Variants in LPP observed in about 807,000 individuals in gnomAD.
LPP encodes the protein lipoma-preferred partner.
A neutral mutation model predicts 60.4 loss-of-function variants in LPP; 38 were observed. The observed-to-expected ratio is 0.63, with a 90% confidence interval of 0.49 to 0.83. LPP has a LOEUF of 0.83. LPP is among the 40% of genes least tolerant of loss of function. The pLI is 0.00. For missense variants in LPP, 902 were observed against 783.6 expected, an observed-to-expected ratio of 1.15 and a Z score of -1.80; for synonymous variants, 328 against 290.8, an observed-to-expected ratio of 1.13 and a Z score of -1.30.
chr3:188,723,995 C>T (rs548415546), intron 8 of LPP, among the ~76,000 whole-genome samples: 1 of 152,256 alleles, frequency 6.6e-6, no homozygotes, highest in East Asian at 1.9e-4. Flanking sequence ...CTTTGTGCCA[C>T]TCCACCAAGA....
rs556565412 is a variant in LPP, at chr3:188,835,720, G to A, written c.1411-30480G>A. Among the ~76,000 whole-genome samples, 214 of 152,246 alleles carry A rather than the reference G, an allele frequency of 1.4e-3. 1 individual carries two copies. Among genetic ancestry groups the A allele is most frequent in the African/African-American group, 4.9e-3 (202 of 41,546 alleles). On this transcript the variant is annotated intron_variant, in intron 9 of 11. Coordinates refer to ENST00000617246, the MANE Select transcript of LPP (RefSeq NM_001375462.1). The stretch of plus-strand genomic sequence containing the variant: ...TCAGTAGTGGCAACAAGAAAGGAAC[G>A]CCCCTACGATGTGACAAGTCTCTAC...
At chr3:188,458,028 T>C (rs188524473) in intron 4 of LPP, among the ~76,000 whole-genome samples, 5 of 152,314 alleles carry the variant, frequency 3.3e-5, no homozygotes, top group African/African-American at 4.8e-5. Flanking sequence ...GCAGCAGATA[T>C]TGTATTTTTA....
chr3:188,856,130 G>A lies in LPP; in HGVS notation c.1411-10070G>A, dbSNP rs894684407. On this transcript the variant is annotated intron_variant, in intron 9 of 11. Transcript: ENST00000617246. ...CGGTTAAGTCAAGAAAATGGACCTT[G>A]CCAAGTATAACTGCCGCAAACTAGA... is the stretch of plus-strand genomic sequence containing the variant. Among the ~76,000 whole-genome samples, 4 of 152,272 alleles carry A rather than the reference G, an allele frequency of 2.6e-5. No homozygotes were observed. The East Asian group carries it at 7.7e-4, about 29-fold the overall frequency.
intron 9 of LPP, among the ~76,000 whole-genome samples, chr3:188,767,191 G>A (rs1003356225): frequency 3.9e-5 from 6 of 151,908 alleles, no homozygotes; most frequent in African/African-American, 1.2e-4. Flanking sequence ...AAAATAAAGG[G>A]GCAAAGATGT....
intron 2 of LPP, among the ~76,000 whole-genome samples, chr3:188,273,579 T>C (rs1334479128): frequency 6.9e-6 from 1 of 145,372 alleles, no homozygotes; most frequent in Non-Finnish European, 1.5e-5. Flanking sequence ...TTGACTTGGC[T>C]ATTTTATATC....
intron 1 of LPP, among the ~76,000 whole-genome samples, chr3:188,163,593 G>A (rs969290568): frequency 6.6e-6 from 1 of 152,064 alleles, no homozygotes; most frequent in Non-Finnish European, 1.5e-5. Context: ...CATAAGGCAA[G>A]GACTCAACAA....
Position 188,389,808 on chromosome 3 carries a change from C to CAAA in LPP, c.-9-16295_-9-16293dup, listed in dbSNP as rs56398215. ...AAAAAAAAAAAATGGGACTCCGTCT[C>CAAA]AAAAAAAAAAAGAAAAGAAAAAAAG... On this transcript the variant is annotated intron_variant, in intron 3 of 11. Coordinates refer to ENST00000617246, the MANE Select transcript of LPP (RefSeq NM_001375462.1). Among the ~76,000 whole-genome samples the CAAA allele has an allele frequency of 8.1e-3, 1,072 of 132,050 alleles. 12 individuals carry two copies. The highest frequency in any genetic ancestry group is 0.029 in the African/African-American group (1,012 of 34,684). The allele number at this position is 132,050 out of a possible 152,430, so 86.6% of individuals were successfully genotyped here.
chr3:188,634,343 A>T (rs1250891951), intron 7 of LPP, among the ~76,000 whole-genome samples: 2 of 152,206 alleles, frequency 1.3e-5, no homozygotes, highest in African/African-American at 4.8e-5. Flanking sequence ...GGTAGAGAAG[A>T]CACAATCCCT....
At chr3:188,428,597 T>TATA (rs1553895830) in intron 4 of LPP, among the ~76,000 whole-genome samples, 2,024 of 109,286 alleles carry the variant, frequency 0.019, 19 homozygotes, top group Middle Eastern at 0.074. Context: ...TATATATATA[T>TATA]TTTTTTTTTT....
intron 2 of LPP, among the ~76,000 whole-genome samples, chr3:188,280,933 ATTT>A (rs71298542): frequency 1.3e-4 from 19 of 141,370 alleles, no homozygotes; most frequent in Admixed American, 2.1e-4. Context: ...CGACAAAGGA[ATTT>A]TTTTTTTTTT....
At chr3:188,781,606 C>T (rs55970652) in intron 9 of LPP, among the ~76,000 whole-genome samples, 16 of 151,392 alleles carry the variant, frequency 1.1e-4, no homozygotes, top group Non-Finnish European at 1.3e-4. Context: ...CCCCCTGCCT[C>T]GGTGCGGTCG....
Position 188,314,105 on chromosome 3 carries a change from T to A in LPP, c.-66-27558T>A, listed in dbSNP as rs1269670194. Among the ~76,000 whole-genome samples the A allele has an allele frequency of 5.3e-5, 8 of 152,338 alleles. No homozygotes were observed. The South Asian group carries it at 8.3e-4, about 16-fold the overall frequency. On this transcript the variant is annotated intron_variant, in intron 2 of 11. Transcript: ENST00000617246. The stretch of plus-strand genomic sequence containing the variant: ...TTCCAATTTTTACAACACTTATAGC[T>A]TTCTTCTAACTGTACTAATACCTCT...
intron 6 of LPP, among the ~76,000 whole-genome samples, chr3:188,575,072 C>G (rs1264587977): frequency 2.6e-5 from 4 of 152,042 alleles, no homozygotes; most frequent in Admixed American, 2.0e-4. Flanking sequence ...TAATTTGCGG[C>G]CTGAAAAGCT....
At chr3:188,732,017 G>C (rs912050179) in intron 8 of LPP, among the ~76,000 whole-genome samples, 1 of 152,178 alleles carries the variant, frequency 6.6e-6, no homozygotes, top group African/African-American at 2.4e-5. Flanking sequence ...AAGAAAAGAG[G>C]CCAGGAGGAA....
At chr3:188,496,619 G>A (rs1030120350) in intron 5 of LPP, among the ~76,000 whole-genome samples, 8 of 152,100 alleles carry the variant, frequency 5.3e-5, no homozygotes, top group Admixed American at 6.6e-5. Flanking sequence ...TCTCTGAGAC[G>A]TGCCAGTCCA....
intron 9 of LPP, among the ~76,000 whole-genome samples, chr3:188,791,076 G>A (rs898574255): frequency 1.3e-5 from 2 of 152,120 alleles, no homozygotes; most frequent in Non-Finnish European, 1.5e-5. Context: ...TGACTTACCT[G>A]TGGCTTTTCT....
chr3:188,154,734 C>G (rs1715674218), intron 1 of LPP, among the ~76,000 whole-genome samples: 1 of 152,230 alleles, frequency 6.6e-6, no homozygotes, highest in Non-Finnish European at 1.5e-5. Context: ...TTCCCTTTCT[C>G]TAAGCATTTC....
intron 6 of LPP, among the ~76,000 whole-genome samples, chr3:188,550,128 A>AT (rs1560550741): frequency 1.3e-5 from 2 of 152,196 alleles, no homozygotes; most frequent in Non-Finnish European, 2.9e-5. Context: ...TTCAAAGCCA[A>AT]TCTTACAGAA....
chr3:188,286,713 G>T (rs763547623), intron 2 of LPP, among the ~76,000 whole-genome samples: 4 of 152,096 alleles, frequency 2.6e-5, no homozygotes, highest in Non-Finnish European at 5.9e-5. Context: ...GCTGGTAAAT[G>T]AGCCATTCTG....
Sources: allele counts gnomAD v4.1 joint callset (sites outside exome capture counted in the v4.1 genomes callset), GRCh38; gene constraint gnomAD v4.1.1; transcripts MANE v1.5; gene names NCBI Gene and HGNC (gene_info 2026-07-23, HGNC 2026-07-21).